The following TAFA1 variants were observed in gnomAD, a reference collection of about 807,000 sequenced individuals.
TAFA1 encodes TAFA chemokine like family member 1, also known as chemokine-like protein TAFA-1.
TAFA1 carries 4 observed loss-of-function variants against 18.5 expected under a neutral mutation model. The observed-to-expected ratio is 0.22, with a 90% confidence interval of 0.11 to 0.49. TAFA1 has a LOEUF of 0.49. TAFA1 is among the 20% of genes least tolerant of loss of function. The pLI, the probability that TAFA1 is intolerant of heterozygous loss-of-function variation, is 0.98. For synonymous variants in TAFA1, 56 were observed against 55.2 expected (o/e 1.01, Z -0.06); for missense variants, 147 against 169.0 (o/e 0.87, Z 0.72).
chr3:68,160,649 T>G (rs2065914443), intron 2 of TAFA1, among the ~76,000 whole-genome samples: 1 of 152,240 alleles, frequency 6.6e-6, no homozygotes, highest in Non-Finnish European at 1.5e-5. Flanking sequence ...CACCTAGCAC[T>G]TAATCAATTC....
At chr3:68,060,411 T>A (rs1173544803) in intron 2 of TAFA1, among the ~76,000 whole-genome samples, 1 of 152,172 alleles carries the variant, frequency 6.6e-6, no homozygotes, top group Non-Finnish European at 1.5e-5. Context: ...AACTGACTGA[T>A]GCAACTTCAA....
intron 2 of TAFA1, among the ~76,000 whole-genome samples, chr3:68,235,015 C>G (rs1191868502): frequency 6.6e-6 from 1 of 152,114 alleles, no homozygotes; most frequent in African/African-American, 2.4e-5. Context: ...CCCCTGCCCC[C>G]ACCTTGTATG....
chr3:68,277,860 A>T (rs17827991), intron 2 of TAFA1, among the ~76,000 whole-genome samples: 39,821 of 152,118 alleles, frequency 0.26, 5,386 homozygotes, highest in East Asian at 0.3. Context: ...ATATCGTGAC[A>T]ACTTTTCAGG....
chr3:68,485,051 G>A (rs904126214), intron 3 of TAFA1, among the ~76,000 whole-genome samples: 4 of 152,186 alleles, frequency 2.6e-5, no homozygotes, highest in Non-Finnish European at 5.9e-5. Flanking sequence ...TTAAGGAGGT[G>A]GATGTGGCTG....
At chr3:68,342,160 G>A (rs4855462) in intron 2 of TAFA1, among the ~76,000 whole-genome samples, 51,741 of 152,010 alleles carry the variant, frequency 0.34, 10,264 homozygotes, top group Non-Finnish European at 0.43. Flanking sequence ...TAAGATAAAG[G>A]GAATAAACTC....
At chr3:68,291,566 T>C (rs1377897678) in intron 2 of TAFA1, among the ~76,000 whole-genome samples, 1 of 152,056 alleles carries the variant, frequency 6.6e-6, no homozygotes, top group African/African-American at 2.4e-5. Flanking sequence ...TTAACTACTC[T>C]ACATACTACT....
intron 3 of TAFA1, among the ~76,000 whole-genome samples, chr3:68,535,587 C>A (rs1458557240): frequency 6.6e-6 from 1 of 151,986 alleles, no homozygotes; most frequent in Non-Finnish European, 1.5e-5. Context: ...ACATATAAGG[C>A]AAAAATTAAA....
At chr3:68,153,856 AG>A (rs1442457545) in intron 2 of TAFA1, among the ~76,000 whole-genome samples, 1 of 152,088 alleles carries the variant, frequency 6.6e-6, no homozygotes, top group African/African-American at 2.4e-5. Context: ...CTGCGTGAAA[AG>A]TTCAGTTTTT....
At chr3:68,071,653 C>A (rs2064756605) in intron 2 of TAFA1, among the ~76,000 whole-genome samples, 1 of 152,122 alleles carries the variant, frequency 6.6e-6, no homozygotes, top group Non-Finnish European at 1.5e-5. Context: ...CTGTATTAGG[C>A]TGTTCTTGCA....
intron 2 of TAFA1, among the ~76,000 whole-genome samples, chr3:68,009,633 A>C (rs566314424): frequency 1.3e-5 from 2 of 152,328 alleles, no homozygotes; most frequent in African/African-American, 4.8e-5. Flanking sequence ...AACATCCAAT[A>C]GTTCTATATA....
At chr3:68,217,318 C>A (rs1225261208) in intron 2 of TAFA1, among the ~76,000 whole-genome samples, 5 of 151,796 alleles carry the variant, frequency 3.3e-5, no homozygotes, top group Non-Finnish European at 2.9e-5. Flanking sequence ...AACCCATAAT[C>A]CCAGTCTAAT....
chr3:68,226,646 A>G (rs2066804508), intron 2 of TAFA1, among the ~76,000 whole-genome samples: 1 of 152,176 alleles, frequency 6.6e-6, no homozygotes, highest in Non-Finnish European at 1.5e-5. Context: ...TGTGTAACAC[A>G]TTTTACAAGG....
chr3:68,431,330 T>G (rs1234410989), intron 3 of TAFA1, among the ~76,000 whole-genome samples: 1 of 151,956 alleles, frequency 6.6e-6, no homozygotes, highest in African/African-American at 2.4e-5. Flanking sequence ...CTATAGAAAT[T>G]ACCTATTGCC....
At chr3:68,079,161 C>T (rs965338222) in intron 2 of TAFA1, among the ~76,000 whole-genome samples, 1 of 152,066 alleles carries the variant, frequency 6.6e-6, no homozygotes, top group African/African-American at 2.4e-5. Context: ...GGTGATATCC[C>T]CTTTATCATT....
chr3:68,474,221 T>C (rs1204384775), intron 3 of TAFA1, among the ~76,000 whole-genome samples: 1 of 152,162 alleles, frequency 6.6e-6, no homozygotes, highest in Non-Finnish European at 1.5e-5. Flanking sequence ...AAATCAAAGT[T>C]ACTAAGATTA....
At chr3:67,999,268 C>A (rs1344010101), upstream of TAFA1, among the ~76,000 whole-genome samples, 3 of 7,870 alleles carry the variant, frequency 3.8e-4, no homozygotes, top group African/African-American at 1.5e-3. Flanking sequence ...TTCTCTCTAT[C>A]CCCCCCCCCC....
At chr3:68,527,840 C>G (rs1388735739) in intron 3 of TAFA1, among the ~76,000 whole-genome samples, 1 of 127,328 alleles carries the variant, frequency 7.9e-6, no homozygotes, top group Non-Finnish European at 1.7e-5. Context: ...GAAATTATAC[C>G]ACATTTAACT....
chr3:68,407,517 G>T (rs1479388965), intron 2 of TAFA1, among the ~76,000 whole-genome samples: 2 of 152,104 alleles, frequency 1.3e-5, no homozygotes, highest in African/African-American at 2.4e-5. Flanking sequence ...TTCACTATAG[G>T]ATGCAATATT....
chr3:68,208,575 T>G (rs901013674), intron 2 of TAFA1, among the ~76,000 whole-genome samples: 11 of 151,986 alleles, frequency 7.2e-5, no homozygotes, highest in African/African-American at 2.7e-4. Context: ...GCCTTCTGGT[T>G]TTTGAACCAA....
Sources: gnomAD v4.1 joint callset for allele counts (sites outside exome capture counted in the v4.1 genomes callset) on GRCh38, gnomAD v4.1.1 for gene constraint, MANE v1.5 for transcripts, NCBI Gene and HGNC (gene_info 2026-07-23, HGNC 2026-07-21) for gene names.